DZIP1: variants seen among roughly 807,000 people sequenced by gnomAD.
DZIP1 encodes cilium assembly protein DZIP1.
A neutral mutation model predicts 107.6 loss-of-function variants in DZIP1; 97 were observed. The observed-to-expected ratio is 0.90, with a 90% confidence interval of 0.77 to 1.07. The LOEUF (loss-of-function observed/expected upper bound fraction) is 1.07, where lower values mean the gene tolerates loss of function less well. Among genes scored for constraint, DZIP1 ranks in the 50% least tolerant of loss-of-function variants. The probability of loss-of-function intolerance (pLI) is 0.00; values close to 1 mark genes in which losing one functional copy is unlikely to be tolerated. For synonymous variants in DZIP1, 390 were observed against 386.4 expected (o/e 1.01, Z -0.11); for missense variants, 1,035 against 1,063.6 (o/e 0.97, Z 0.37).
At chr13:95,631,311 A>T (rs1041945092) in intron 6 of DZIP1, among the ~76,000 whole-genome samples, 2 of 152,052 alleles carry the variant, frequency 1.3e-5, no homozygotes, top group Non-Finnish European at 2.9e-5. Flanking sequence ...AAAAAGAAAT[A>T]CAAAAACTAG....
chr13:95,625,900 A>ATCACTTGATCT (rs1876486826), intron 7 of DZIP1, among the ~76,000 whole-genome samples: 1 of 152,036 alleles, frequency 6.6e-6, no homozygotes, highest in Non-Finnish European at 1.5e-5. Context: ...CGGTGGAACG[A>ATCACTTGATCT]TCACTTGATC....
At chr13:95,602,826 G>A (rs2044656349) in intron 14 of DZIP1, among the ~76,000 whole-genome samples, 2 of 152,260 alleles carry the variant, frequency 1.3e-5, no homozygotes, top group Admixed American at 6.5e-5. Flanking sequence ...TCCCACTTCT[G>A]CAACACTATT....
chr13:95,604,157 C>G (rs925720757), intron 14 of DZIP1, among the ~76,000 whole-genome samples: 1 of 152,212 alleles, frequency 6.6e-6, no homozygotes, highest in African/African-American at 2.4e-5. Flanking sequence ...CCAAGGGCAC[C>G]CCCACCTCCC....
chr13:95,588,102 T>C (rs1157881425), intron 19 of DZIP1: 1 of 165,270 alleles, frequency 6.1e-6, no homozygotes, highest in South Asian at 1.9e-4. Flanking sequence ...ACAGCTTCTT[T>C]ATACTGCACC....
intron 5 of DZIP1, among the ~76,000 whole-genome samples, chr13:95,638,662 C>T (rs1878116086): frequency 6.6e-6 from 1 of 151,476 alleles, no homozygotes; most frequent in African/African-American, 2.4e-5. Flanking sequence ...CACACACACA[C>T]GCACACCCCA....
chr13:95,612,316 T>C lies in DZIP1; in HGVS notation c.1174-139A>G. On this transcript the variant is annotated intron_variant, in intron 10 of 22. Coordinates refer to ENST00000376829, the MANE Select transcript of DZIP1 (RefSeq NM_198968.4). Reference sequence around the variant, plus strand: ...CGCATCAAGTCGTTGAATAAATCTTTGATCATGGTATATCCTGGCCCTGGC... The same window carrying C: ...CGCATCAAGTCGTTGAATAAATCTTCGATCATGGTATATCCTGGCCCTGGC... The C allele has an allele frequency of 3.1e-6, 3 of 980,198 alleles. No homozygotes were observed. In the South Asian group the frequency reaches 5.2e-5, roughly 17 times the overall value. The allele number at this position is 980,198 out of a possible 1,614,324, so 60.7% of individuals were successfully genotyped here.
In DZIP1 at chr13:95,628,869, G is replaced by C. The variant is rs145045056; in HGVS notation, c.810+1120C>G. Among the ~76,000 whole-genome samples the C allele has an allele frequency of 1.8e-4, 28 of 152,278 alleles. No homozygotes were observed. In the East Asian group the frequency reaches 5.0e-3, roughly 27 times the overall value. On this transcript the variant is annotated intron_variant, in intron 7 of 22. Coordinates refer to ENST00000376829, the MANE Select transcript of DZIP1 (RefSeq NM_198968.4). ...GAGAGGGAAAGTAGCTGGAAGGAGG[G>C]GGGAGTGGAGCACTGTTTAATGGGT... is the stretch of plus-strand genomic sequence containing the variant.
intron 10 of DZIP1, among the ~76,000 whole-genome samples, chr13:95,613,078 A>G (rs1167014211): frequency 6.6e-6 from 1 of 152,194 alleles, no homozygotes; most frequent in Non-Finnish European, 1.5e-5. Context: ...AGACATATTC[A>G]TCTTTAGAGA....
At chr13:95,616,941 C>T (rs1875166682) in intron 10 of DZIP1, among the ~76,000 whole-genome samples, 1 of 152,138 alleles carries the variant, frequency 6.6e-6, no homozygotes, top group South Asian at 2.1e-4. Flanking sequence ...GGCATGGTGG[C>T]TCACGCCTGT....
chr13:95,606,005 T>G lies in DZIP1; in HGVS notation c.1475A>C (p.His492Pro), dbSNP rs2044760577. Residue 492 changes from histidine (H) to proline (P), a missense_variant and splice_region_variant, in exon 14 of 23, where the codon CAT becomes CCT. Coordinates refer to ENST00000376829, the MANE Select transcript of DZIP1 (RefSeq NM_198968.4). ...CTGAGACTATTACTGAAACTTACCA[T>G]GCACCATTGGCAGACTTGATTTAGT... ...LETKSSLPMV[H>P]EQAFSSHILE... The G allele has an allele frequency of 2.5e-6, 4 of 1,614,032 alleles. No individual in the cohort carries two copies. The highest frequency in any genetic ancestry group is 3.4e-6 in the Non-Finnish European group (4 of 1,179,926).
At chr13:95,635,400 T>C (rs997381643) in intron 5 of DZIP1, among the ~76,000 whole-genome samples, 1 of 152,044 alleles carries the variant, frequency 6.6e-6, no homozygotes, top group African/African-American at 2.4e-5. Flanking sequence ...TTTCACCATG[T>C]TGGCCAGGCT....
chr13:95,583,762 T>C (rs982848856), intron 22 of DZIP1, among the ~76,000 whole-genome samples: 1 of 152,038 alleles, frequency 6.6e-6, no homozygotes, highest in African/African-American at 2.4e-5. Context: ...CATTCAGGTA[T>C]ATGATCAGAA....
chr13:95,605,153 C>T (rs962025918), intron 14 of DZIP1, among the ~76,000 whole-genome samples: 1 of 152,152 alleles, frequency 6.6e-6, no homozygotes, highest in African/African-American at 2.4e-5. Flanking sequence ...GTATACAGAT[C>T]ACAATATCTA....
chr13:95,605,223 T>C (rs2044737222), intron 14 of DZIP1, among the ~76,000 whole-genome samples: 1 of 152,198 alleles, frequency 6.6e-6, no homozygotes, highest in Non-Finnish European at 1.5e-5. Context: ...TGTAATCTTT[T>C]TAAAAGACCA....
At chr13:95,615,662 G>A (rs776787478) in intron 10 of DZIP1, among the ~76,000 whole-genome samples, 6 of 152,198 alleles carry the variant, frequency 3.9e-5, no homozygotes, top group Non-Finnish European at 8.8e-5. Flanking sequence ...TTACAGAAAA[G>A]CAACCACTTG....
At chr13:95,630,817 A>G in intron 6 of DZIP1, 1 of 1,079,212 alleles carries the variant, frequency 9.3e-7, no homozygotes, top group Admixed American at 2.3e-5. Flanking sequence ...AGATGACCTG[A>G]AGAAATAATA....
At chr13:95,633,375 T>C in intron 5 of DZIP1, 54 bp from the exon 6 acceptor site, 2 of 1,479,250 alleles carry the variant, frequency 1.4e-6, no homozygotes, top group Non-Finnish European at 1.9e-6. Flanking sequence ...TCGTCCCACT[T>C]AATTGCAATT....
intron 5 of DZIP1, among the ~76,000 whole-genome samples, chr13:95,635,702 C>T (rs190508543): frequency 1.3e-5 from 2 of 152,244 alleles, no homozygotes; most frequent in East Asian, 3.9e-4. Context: ...TCTCTCCCCA[C>T]CCCACCCCAG....
chr13:95,631,153 G>A (rs929929678), intron 6 of DZIP1, among the ~76,000 whole-genome samples: 6 of 152,160 alleles, frequency 3.9e-5, no homozygotes, highest in African/African-American at 1.4e-4. Flanking sequence ...TAGATACTGA[G>A]AACATTTAAG....
Sources: allele counts gnomAD v4.1 joint callset (sites outside exome capture counted in the v4.1 genomes callset), GRCh38; gene constraint gnomAD v4.1.1; transcripts MANE v1.5; gene names NCBI Gene and HGNC (gene_info 2026-07-23, HGNC 2026-07-21).